Variants in PPM1L observed in about 807,000 individuals in gnomAD.
The protein encoded by PPM1L is protein phosphatase, Mg2+/Mn2+ dependent 1L.
PPM1L carries 13 observed loss-of-function variants against 31.4 expected under a neutral mutation model. The observed-to-expected ratio is 0.41, with a 90% CI of 0.27 to 0.66. PPM1L has a LOEUF of 0.66. PPM1L is among the 30% of genes least tolerant of loss of function. The pLI, the probability that PPM1L is intolerant of heterozygous loss-of-function variation, is 0.29. For missense variants in PPM1L, 326 were observed against 453.7 expected (o/e 0.72, Z 2.56); for synonymous variants, 184 against 175.4 (o/e 1.05, Z -0.39).
chr3:161,011,360 T>A (rs1300380840), intron 2 of PPM1L, among the ~76,000 whole-genome samples: 1 of 152,240 alleles, frequency 6.6e-6, no homozygotes, highest in Non-Finnish European at 1.5e-5. Flanking sequence ...AGCTCTATTC[T>A]GTTCCATTGG....
intron 1 of PPM1L, among the ~76,000 whole-genome samples, chr3:160,769,257 C>T (rs775408336): frequency 1.0e-3 from 157 of 152,160 alleles, no homozygotes; most frequent in Non-Finnish European, 1.6e-3. Context: ...GTTGAGTGAG[C>T]CACATAGTTG....
chr3:160,928,489 C>T (rs1362771811), intron 1 of PPM1L, among the ~76,000 whole-genome samples: 4 of 152,164 alleles, frequency 2.6e-5, no homozygotes, highest in African/African-American at 9.7e-5. Context: ...TAAGGATCAG[C>T]GTTTGGAGCT....
intron 1 of PPM1L, among the ~76,000 whole-genome samples, chr3:160,901,694 C>G (rs1048583806): frequency 6.6e-6 from 1 of 152,160 alleles, no homozygotes; most frequent in Non-Finnish European, 1.5e-5. Flanking sequence ...CTCCTTGGTA[C>G]ATACTTGTTG....
chr3:160,846,582 G>A (rs557099196), intron 1 of PPM1L, among the ~76,000 whole-genome samples: 3 of 152,176 alleles, frequency 2.0e-5, no homozygotes, highest in East Asian at 1.9e-4. Flanking sequence ...ACAGTGTCCT[G>A]TTATCTAGAT....
rs137892683 is a variant in PPM1L, at chr3:160,919,065, G to C, written c.400-42671G>C. Among the ~76,000 whole-genome samples the C allele has an allele frequency of 9.7e-3, 1,484 of 152,302 alleles. 8 individuals are homozygous for C. Among genetic ancestry groups the C allele is most frequent in the Non-Finnish European group, 0.015 (1,023 of 68,030 alleles). On this transcript the variant is annotated intron_variant, in intron 1 of 3. Transcript: ENST00000498165. ...TGAAAAAGCTCGTGAAATCTCCTCA[G>C]ACTGGGATAATGTCTTTGAAATCCT...
At chr3:160,986,533 A>G (rs1323585574) in intron 2 of PPM1L, among the ~76,000 whole-genome samples, 1 of 152,228 alleles carries the variant, frequency 6.6e-6, no homozygotes, top group African/African-American at 2.4e-5. Flanking sequence ...CTACCACTGA[A>G]CCTAGAAAAA....
Position 161,002,965 on chromosome 3 carries a change from GT to G in PPM1L, c.574+41059del, listed in dbSNP as rs1460017415. ...TAGGTTTTCTTCTAGGGTTTTTATG[GT>G]TTTAGGTCTAACATGTAAGTCTTTA... On this transcript the variant is annotated intron_variant, in intron 2 of 3. Transcript: ENST00000498165. Among the ~76,000 whole-genome samples the G allele has an allele frequency of 3.3e-5, 5 of 150,414 alleles. 1 individual carries two copies. Among genetic ancestry groups the G allele is most frequent in the African/African-American group, 7.3e-5 (3 of 40,980 alleles).
intron 1 of PPM1L, among the ~76,000 whole-genome samples, chr3:160,865,007 A>T (rs1712039680): frequency 6.6e-6 from 1 of 152,234 alleles, no homozygotes; most frequent in African/African-American, 2.4e-5. Context: ...GTTAGTAAAA[A>T]CTAGCAAAAC....
chr3:160,799,530 A>G (rs1560109863), intron 1 of PPM1L, among the ~76,000 whole-genome samples: 2 of 152,244 alleles, frequency 1.3e-5, no homozygotes, highest in Non-Finnish European at 2.9e-5. Context: ...ATAGACTACA[A>G]TATAGTGTAA....
At chr3:161,067,113 T>C (rs1719763633) in intron 3 of PPM1L, among the ~76,000 whole-genome samples, 1 of 152,200 alleles carries the variant, frequency 6.6e-6, no homozygotes, top group African/African-American at 2.4e-5. Flanking sequence ...TAGCTCAGTC[T>C]TGCATCAGCA....
chr3:161,068,067 T>C (rs1719791261), intron 3 of PPM1L, among the ~76,000 whole-genome samples: 1 of 152,204 alleles, frequency 6.6e-6, no homozygotes, highest in Non-Finnish European at 1.5e-5. Context: ...AGTAAATATC[T>C]GACAAATATG....
Position 160,809,687 on chromosome 3 carries a change from C to T in PPM1L, c.399+52980C>T, listed in dbSNP as rs114373812. 5.0e-3 allele frequency among the ~76,000 whole-genome samples: 759 copies of T among 152,232 alleles called. 6 individuals are homozygous for T. The highest frequency in any genetic ancestry group is 0.017 in the African/African-American group (715 of 41,530). On this transcript the variant is annotated intron_variant, in intron 1 of 3. Coordinates refer to ENST00000498165, the MANE Select transcript of PPM1L (RefSeq NM_139245.4). ...TATAGCACTTGTGTCCTTGCTTGCTCTTACCATCTCTCCAGTGGGACAGTA... is the reference window on the plus strand; with the variant it reads ...TATAGCACTTGTGTCCTTGCTTGCTTTTACCATCTCTCCAGTGGGACAGTA...
At chr3:160,777,416 A>G (rs1168050466) in intron 1 of PPM1L, among the ~76,000 whole-genome samples, 1 of 152,214 alleles carries the variant, frequency 6.6e-6, no homozygotes, top group African/African-American at 2.4e-5. Context: ...TTTTAAGTGT[A>G]CAGTTCAGTA....
chr3:160,868,071 T>C (rs1191864865), intron 1 of PPM1L, among the ~76,000 whole-genome samples: 1 of 152,170 alleles, frequency 6.6e-6, no homozygotes, highest in Non-Finnish European at 1.5e-5. Flanking sequence ...ATATAAACCT[T>C]AGACTGATAT....
chr3:160,773,215 A>G (rs1382923865), intron 1 of PPM1L, among the ~76,000 whole-genome samples: 1 of 152,156 alleles, frequency 6.6e-6, no homozygotes, highest in Non-Finnish European at 1.5e-5. Context: ...CAGTATCTCA[A>G]TGTAGTTTTA....
At chr3:160,869,466 C>G (rs1440558620) in intron 1 of PPM1L, among the ~76,000 whole-genome samples, 2 of 152,126 alleles carry the variant, frequency 1.3e-5, no homozygotes, top group African/African-American at 4.8e-5. Flanking sequence ...AGGCATAAGG[C>G]TGTAACCTTA....
chr3:160,931,116 C>A (rs80260101), intron 1 of PPM1L, among the ~76,000 whole-genome samples: 2,370 of 152,268 alleles, frequency 0.016, 64 homozygotes, highest in African/African-American at 0.054. Flanking sequence ...CAGTAGGGGA[C>A]AAACATTTGA....
At chr3:161,056,384 G>T (rs78132172) in intron 2 of PPM1L, among the ~76,000 whole-genome samples, 1 of 152,118 alleles carries the variant, frequency 6.6e-6, no homozygotes, top group South Asian at 2.1e-4. Flanking sequence ...TAACGGGATT[G>T]TAAGTTCTAT....
At chr3:161,038,584 TTAAAA>T (rs1559933297) in intron 2 of PPM1L, among the ~76,000 whole-genome samples, 1 of 100,760 alleles carries the variant, frequency 9.9e-6, no homozygotes, top group Non-Finnish European at 1.8e-5. Flanking sequence ...GGGATTTGTT[TTAAAA>T]AAAAAAAAAA....
Sources: gnomAD v4.1 joint callset for allele counts (sites outside exome capture counted in the v4.1 genomes callset) on GRCh38, gnomAD v4.1.1 for gene constraint, MANE v1.5 for transcripts, NCBI Gene and HGNC (gene_info 2026-07-23, HGNC 2026-07-21) for gene names.